Variants in SUPT3H observed in about 807,000 individuals in gnomAD.
SUPT3H encodes transcription initiation protein SPT3 homolog.
A neutral mutation model predicts 44.3 loss-of-function variants in SUPT3H; 44 were observed. The observed-to-expected ratio is 0.99, with a 90% CI of 0.78 to 1.28. The LOEUF (loss-of-function observed/expected upper bound fraction) is 1.28, where lower values mean the gene tolerates loss of function less well. Ranked by LOEUF, SUPT3H falls within the 50% of genes most tolerant of loss-of-function variation. SUPT3H has a pLI of 0.00. For synonymous variants in SUPT3H, 124 were observed against 125.6 expected, an observed-to-expected ratio of 0.99 and a Z score of 0.09; for missense variants, 380 against 387.1, an observed-to-expected ratio of 0.98 and a Z score of 0.15.
At chr6:44,862,070 C>T (rs1774748632) in intron 10 of SUPT3H, among the ~76,000 whole-genome samples, 1 of 152,152 alleles carries the variant, frequency 6.6e-6, no homozygotes, top group Admixed American at 6.5e-5. Context: ...CTCCATGCCT[C>T]AGCCCCCGCC....
chr6:44,902,786 C>T (rs1238642595), intron 10 of SUPT3H, among the ~76,000 whole-genome samples: 1 of 152,146 alleles, frequency 6.6e-6, no homozygotes, highest in Admixed American at 6.5e-5. Flanking sequence ...GGAAGCAAAA[C>T]ACTCCTCAGC....
chr6:44,856,352 TCA>T (rs1161332067), intron 10 of SUPT3H, among the ~76,000 whole-genome samples: 1 of 152,218 alleles, frequency 6.6e-6, no homozygotes, highest in Non-Finnish European at 1.5e-5. Context: ...CAGAGGGAAC[TCA>T]CACATGTAAA....
intron 2 of SUPT3H, among the ~76,000 whole-genome samples, chr6:45,282,251 A>G (rs887279034): frequency 1.3e-5 from 2 of 152,196 alleles, no homozygotes; most frequent in African/African-American, 4.8e-5. Flanking sequence ...TGACTTTGAC[A>G]AGTTGAGAGA....
intron 6 of SUPT3H, among the ~76,000 whole-genome samples, chr6:44,970,061 T>G (rs1324477295): frequency 1.3e-5 from 2 of 152,166 alleles, no homozygotes; most frequent in African/African-American, 4.8e-5. Context: ...AAATATTGAA[T>G]TCAGTTTTTT....
intron 6 of SUPT3H, among the ~76,000 whole-genome samples, chr6:44,965,643 T>C (rs2153479772): frequency 6.6e-6 from 1 of 152,280 alleles, no homozygotes; most frequent in East Asian, 1.9e-4. Context: ...GATTTGGATA[T>C]GCTTATCACC....
rs73737868 is a variant in SUPT3H at position 45,057,919 on chromosome 6, T to C, written c.187-37287A>G. On this transcript the variant is annotated intron_variant, in intron 3 of 10. Transcript: ENST00000371459. ...GCTTAAGTAAACACAGCAAAGGCAG[T>C]TCCAGAGAGAACTAACATATCAATG... is the stretch of plus-strand genomic sequence containing the variant. 8.6e-3 allele frequency among the ~76,000 whole-genome samples: 1,303 copies of C among 152,240 alleles called. 23 individuals carry two copies. Among genetic ancestry groups the C allele is most frequent in the African/African-American group, 0.03 (1,227 of 41,566 alleles).
intron 3 of SUPT3H, among the ~76,000 whole-genome samples, chr6:45,080,916 T>G (rs73444983): frequency 0.12 from 18,032 of 151,948 alleles, 1,262 homozygotes; most frequent in African/African-American, 0.19. Flanking sequence ...TAAAAATAAC[T>G]AAGAGTATAA....
intron 10 of SUPT3H, chr6:44,899,386 T>G (rs1187462748): frequency 2.6e-5 from 4 of 152,198 alleles, no homozygotes; most frequent in Non-Finnish European, 4.4e-5. Flanking sequence ...AGGAAATTTG[T>G]GCCTATAAAA....
chr6:44,830,880 G>T (rs3799965), intron 10 of SUPT3H, among the ~76,000 whole-genome samples: 24,878 of 151,284 alleles, frequency 0.16, 2,736 homozygotes, highest in Admixed American at 0.29. Context: ...ACCTTGAACA[G>T]CCACAGCCAT....
intron 2 of SUPT3H, chr6:45,328,498 A>T (rs1786795375): frequency 2.0e-6 from 3 of 1,525,422 alleles, no homozygotes; most frequent in Non-Finnish European, 2.7e-6. Context: ...CAGTAATAGT[A>T]GGTCCTTCAA....
chr6:45,248,938 T>C (rs974462990), intron 2 of SUPT3H, among the ~76,000 whole-genome samples: 1 of 150,494 alleles, frequency 6.6e-6, no homozygotes, highest in African/African-American at 2.4e-5. Context: ...AGAACTCTCA[T>C]ACATTACTGA....
At chr6:45,176,069 G>A (rs1445963578) in intron 2 of SUPT3H, among the ~76,000 whole-genome samples, 1 of 152,074 alleles carries the variant, frequency 6.6e-6, no homozygotes, top group South Asian at 2.1e-4. Context: ...TTGGGGGGAG[G>A]AGCCAAGATG....
chr6:45,373,245 C>T (rs1375985236), intron 1 of SUPT3H, among the ~76,000 whole-genome samples: 1 of 152,036 alleles, frequency 6.6e-6, no homozygotes, highest in African/African-American at 2.4e-5. Flanking sequence ...GAGCCGGCCA[C>T]GATTTTCATG....
At chr6:44,986,821 C>T (rs1476118926) in intron 6 of SUPT3H, among the ~76,000 whole-genome samples, 1 of 151,766 alleles carries the variant, frequency 6.6e-6, no homozygotes, top group African/African-American at 2.4e-5. Flanking sequence ...GGAGCTTTCT[C>T]CTCAAGTAGA....
At chr6:45,162,964 G>T (rs1410487571) in intron 2 of SUPT3H, among the ~76,000 whole-genome samples, 2 of 152,142 alleles carry the variant, frequency 1.3e-5, no homozygotes, top group African/African-American at 4.8e-5. Context: ...GATCTGTAGG[G>T]TGTGAAGTGA....
At chr6:45,055,143 T>A (rs1254971745) in intron 3 of SUPT3H, among the ~76,000 whole-genome samples, 1 of 151,990 alleles carries the variant, frequency 6.6e-6, no homozygotes, top group Non-Finnish European at 1.5e-5. Flanking sequence ...AGAAACAACA[T>A]CCCTAGAGGT....
At chr6:44,811,499 C>G (rs1229950011) in intron 11 of SUPT3H, among the ~76,000 whole-genome samples, 1 of 152,166 alleles carries the variant, frequency 6.6e-6, no homozygotes, top group African/African-American at 2.4e-5. Flanking sequence ...GAAACTTAAA[C>G]TACTTTCCCA....
chr6:44,961,149 C>T (rs571671338), intron 7 of SUPT3H, among the ~76,000 whole-genome samples: 4 of 152,056 alleles, frequency 2.6e-5, no homozygotes, highest in Non-Finnish European at 4.4e-5. Context: ...CTCACTATTA[C>T]GAGTCATTAT....
chr6:45,276,282 T>A (rs1456323044), intron 2 of SUPT3H, among the ~76,000 whole-genome samples: 1 of 152,122 alleles, frequency 6.6e-6, no homozygotes, highest in Non-Finnish European at 1.5e-5. Context: ...ATTAGTACCA[T>A]TTAACATTTC....
Sources: gnomAD v4.1 joint callset for allele counts (sites outside exome capture counted in the v4.1 genomes callset) on GRCh38, gnomAD v4.1.1 for gene constraint, MANE v1.5 for transcripts, NCBI Gene and HGNC (gene_info 2026-07-23, HGNC 2026-07-21) for gene names.